APBA2: variants seen among roughly 807,000 people sequenced by gnomAD.
The protein encoded by APBA2 is amyloid beta precursor protein binding family A member 2.
A neutral mutation model predicts 75.0 loss-of-function variants in APBA2; 30 were observed. The ratio of observed to expected loss-of-function variants is 0.40; its 90% CI spans 0.30 to 0.54. The LOEUF is 0.54. Among genes scored for constraint, APBA2 ranks in the 20% least tolerant of loss-of-function variants. APBA2 has a pLI of 0.49. For synonymous variants in APBA2, 444 were observed against 409.6 expected (o/e 1.08, Z -1.01); for missense variants, 801 against 1,016.1 (o/e 0.79, Z 2.88).
chr15:28,891,587 A>G (rs1391595412), intron 1 of APBA2, among the ~76,000 whole-genome samples: 1 of 152,166 alleles, frequency 6.6e-6, no homozygotes, highest in Non-Finnish European at 1.5e-5. Context: ...GGTGGCTGAC[A>G]TGGTTGGTGG....
chr15:28,982,592 G>T (rs1186147369), intron 2 of APBA2, among the ~76,000 whole-genome samples: 1 of 152,196 alleles, frequency 6.6e-6, no homozygotes, highest in Non-Finnish European at 1.5e-5. Flanking sequence ...TTTCTGCTTT[G>T]GCAATGGAGG....
chr15:28,972,727 A>C (rs149338911), intron 2 of APBA2, among the ~76,000 whole-genome samples: 171 of 152,338 alleles, frequency 1.1e-3, no homozygotes, highest in African/African-American at 4.0e-3. Flanking sequence ...GGACGGCAGA[A>C]ATGGTCTGCC....
intron 2 of APBA2, among the ~76,000 whole-genome samples, chr15:28,927,660 C>T (rs952297184): frequency 6.6e-6 from 1 of 151,356 alleles, no homozygotes; most frequent in African/African-American, 2.4e-5. Flanking sequence ...CTTGTGAGCT[C>T]AGGTGATCCC....
chr15:29,005,520 C>T (rs933236951), intron 3 of APBA2, among the ~76,000 whole-genome samples: 6 of 151,982 alleles, frequency 3.9e-5, no homozygotes, highest in South Asian at 2.1e-4. Context: ...CCTTGGCCTC[C>T]GAAAGTGCTG....
chr15:29,055,623 C>A (rs1275256242), intron 4 of APBA2, among the ~76,000 whole-genome samples: 2 of 149,488 alleles, frequency 1.3e-5, no homozygotes, highest in African/African-American at 5.0e-5. Flanking sequence ...TTTTTTACAG[C>A]CTTAACTGTT....
chr15:28,927,238 G>A (rs557645170), intron 2 of APBA2, among the ~76,000 whole-genome samples: 2 of 152,082 alleles, frequency 1.3e-5, no homozygotes, highest in African/African-American at 2.4e-5. Flanking sequence ...TAGATAAGGT[G>A]TTTCCCTACC....
In APBA2 at chr15:29,054,499, C is replaced by T. The variant is rs199558099; in HGVS notation, c.615C>T (p.Thr205=). 230 of 1,613,566 alleles carry T rather than the reference C, an allele frequency of 1.4e-4. No individual in the cohort carries two copies. The highest frequency in any genetic ancestry group is 2.7e-4 in the Admixed American group (16 of 59,910). Residue 205 remains threonine (T), a synonymous_variant, in exon 4 of 15, where the codon ACC becomes ACT. Coordinates refer to ENST00000683413, the MANE Select transcript of APBA2 (RefSeq NM_001353788.2). The surrounding 1 kb of genome is among the most constrained non-coding windows in gnomAD (Gnocchi z 6.1). ...DYYPEEANGN[T]GASPYRLRRG... is the part of the protein sequence containing the mutation. Reference sequence around the variant, plus strand: ...ACCCCGAGGAGGCCAACGGGAACACCGGCGCCTCCCCCTACCGCCTGAGGC... The same window carrying T: ...ACCCCGAGGAGGCCAACGGGAACACTGGCGCCTCCCCCTACCGCCTGAGGC...
intron 3 of APBA2, among the ~76,000 whole-genome samples, chr15:29,003,237 T>C (rs1049276658): frequency 6.6e-6 from 1 of 152,140 alleles, no homozygotes; most frequent in Non-Finnish European, 1.5e-5. Flanking sequence ...ATAGAGTCTC[T>C]ACAGAGAGAT....
intron 2 of APBA2, among the ~76,000 whole-genome samples, chr15:28,939,678 C>T (rs776983337): frequency 1.3e-5 from 2 of 152,210 alleles, no homozygotes; most frequent in Non-Finnish European, 2.9e-5. Flanking sequence ...ACCTTGGAAA[C>T]GAGAGCTGCC....
At chr15:28,969,778 G>A (rs1438336071) in intron 2 of APBA2, among the ~76,000 whole-genome samples, 5 of 152,220 alleles carry the variant, frequency 3.3e-5, no homozygotes, top group Non-Finnish European at 5.9e-5. Context: ...AATTCTGTGC[G>A]GGGGCTGAGT....
intron 8 of APBA2, among the ~76,000 whole-genome samples, chr15:29,097,115 C>A (rs1038274759): frequency 3.3e-5 from 5 of 152,246 alleles, no homozygotes; most frequent in African/African-American, 1.2e-4. Flanking sequence ...GGCTCAGTCC[C>A]CCAAGGACGC....
At chr15:29,030,729 ATGTG>A (rs60048817) in intron 3 of APBA2, among the ~76,000 whole-genome samples, 130 of 113,266 alleles carry the variant, frequency 1.1e-3, no homozygotes, top group East Asian at 1.5e-3. Context: ...CCATGTGAGT[ATGTG>A]TGTGTGTGTG....
intron 2 of APBA2, among the ~76,000 whole-genome samples, chr15:28,957,582 G>A (rs958334453): frequency 6.6e-6 from 1 of 152,216 alleles, no homozygotes; most frequent in Middle Eastern, 3.4e-3. Context: ...TTTTTCAATC[G>A]TGGCCACCCT....
intron 3 of APBA2, among the ~76,000 whole-genome samples, chr15:29,024,200 G>A (rs1465319483): frequency 6.6e-6 from 1 of 152,066 alleles, no homozygotes; most frequent in Non-Finnish European, 1.5e-5. Flanking sequence ...CACTGTGCCC[G>A]GCCTTTTTTG....
At chr15:29,043,031 G>C (rs1431923735) in intron 3 of APBA2, among the ~76,000 whole-genome samples, 1 of 152,164 alleles carries the variant, frequency 6.6e-6, no homozygotes, top group Non-Finnish European at 1.5e-5. Context: ...GCTATTTCCA[G>C]AAGTTCTTGT....
intron 3 of APBA2, among the ~76,000 whole-genome samples, chr15:29,049,566 C>T (rs1168134433): frequency 6.6e-6 from 1 of 152,136 alleles, no homozygotes; most frequent in African/African-American, 2.4e-5. Flanking sequence ...TGAGGACAGC[C>T]TATCTCTGTC....
chr15:29,104,115 A>G (rs2044278947), intron 10 of APBA2, among the ~76,000 whole-genome samples: 1 of 152,214 alleles, frequency 6.6e-6, no homozygotes, highest in Non-Finnish European at 1.5e-5. Context: ...CAATGCATAC[A>G]TTCATCTGCT....
chr15:28,971,734 C>G lies in APBA2; in HGVS notation c.-94-24019C>G, dbSNP rs138461423. 3.9e-5 allele frequency among the ~76,000 whole-genome samples: 6 copies of G among 152,318 alleles called. No homozygotes were observed. The East Asian group carries it at 1.2e-3, about 29-fold the overall frequency. On this transcript the variant is annotated intron_variant, in intron 2 of 14. Transcript: ENST00000683413. Reference sequence around the variant, plus strand: ...AAATCTCTCTCCTTAATTAAAAAAACTGTACTTTAGAGAAGTAAGAGAAGA... The same window carrying G: ...AAATCTCTCTCCTTAATTAAAAAAAGTGTACTTTAGAGAAGTAAGAGAAGA...
chr15:28,952,621 C>A (rs2035950561), intron 2 of APBA2, among the ~76,000 whole-genome samples: 1 of 152,194 alleles, frequency 6.6e-6, no homozygotes, highest in Non-Finnish European at 1.5e-5. Context: ...TCCCCAGCCA[C>A]CCCTGTGAAA....
Sources: allele counts gnomAD v4.1 joint callset (sites outside exome capture counted in the v4.1 genomes callset), GRCh38; gene constraint gnomAD v4.1.1; non-coding constraint Gnocchi (gnomAD v3.1); transcripts MANE v1.5; gene names NCBI Gene and HGNC (gene_info 2026-07-23, HGNC 2026-07-21).